The following STIM2 variants were observed in gnomAD, a reference collection of about 807,000 sequenced individuals.
STIM2 encodes stromal interaction molecule 2.
A neutral mutation model predicts 85.8 loss-of-function variants in STIM2; 31 were observed. The observed-to-expected ratio is 0.36, with a 90% CI of 0.27 to 0.49. STIM2 has a LOEUF of 0.49. STIM2 is among the 20% of genes least tolerant of loss of function. The probability of loss-of-function intolerance (pLI) is 0.98; values close to 1 mark genes in which losing one functional copy is unlikely to be tolerated. For synonymous variants in STIM2, 356 were observed against 331.1 expected, an observed-to-expected ratio of 1.08 and a Z score of -0.82; for missense variants, 841 against 927.6, an observed-to-expected ratio of 0.91 and a Z score of 1.21.
intron 2 of STIM2, among the ~76,000 whole-genome samples, chr4:26,940,577 A>G (rs574762320): frequency 6.6e-6 from 1 of 152,234 alleles, no homozygotes; most frequent in African/African-American, 2.4e-5. Flanking sequence ...TGTTTTACCT[A>G]CAACGGAGGC....
chr4:26,881,774 T>C (rs1444477895), intron 1 of STIM2, among the ~76,000 whole-genome samples: 1 of 152,222 alleles, frequency 6.6e-6, no homozygotes, highest in East Asian at 1.9e-4. Context: ...ATGGAAGATA[T>C]AAATTATTTC....
At chr4:27,012,196 A>C (rs1470853910) in intron 10 of STIM2, among the ~76,000 whole-genome samples, 5 of 152,054 alleles carry the variant, frequency 3.3e-5, no homozygotes, top group African/African-American at 1.2e-4. Context: ...TTTTATAAAA[A>C]GTTTTGATAT....
chr4:27,024,597 T>TA lies in STIM2; in HGVS notation c.*1606dup, dbSNP rs1487584753. ...TGATTGTTTATTCTATTACTATTGT[T>TA]AAAAACTTGAATGGTATTTATATTG... On this transcript the variant is annotated 3_prime_UTR_variant, in exon 12 of 12. Transcript: ENST00000467087. 1 of 152,222 alleles carries TA rather than the reference T, an allele frequency of 6.6e-6. No homozygotes were observed. Among genetic ancestry groups the TA allele is most frequent in the Non-Finnish European group, 1.5e-5 (1 of 68,036 alleles). The allele number at this position is 152,222 out of a possible 1,614,324, so 9.4% of individuals were successfully genotyped here. A position where few individuals can be genotyped will look rare whatever the true frequency, so the allele number is the denominator to read the frequency against.
chr4:26,947,717 G>A (rs1229579520), intron 2 of STIM2, among the ~76,000 whole-genome samples: 1 of 152,178 alleles, frequency 6.6e-6, no homozygotes, highest in African/African-American at 2.4e-5. Flanking sequence ...CTGAGTGTGT[G>A]GGGCTCTGCT....
intron 2 of STIM2, among the ~76,000 whole-genome samples, chr4:26,946,864 C>G (rs6835631): frequency 0.21 from 31,937 of 152,112 alleles, 3,464 homozygotes; most frequent in East Asian, 0.41. Flanking sequence ...TTGCTTACTA[C>G]TGGTCATTAA....
Position 27,008,820 on chromosome 4 carries a change from A to G in STIM2, c.1307A>G (p.Gln436Arg), listed in dbSNP as rs1018897804. The G allele has an allele frequency of 6.2e-7, 1 of 1,614,166 alleles. No individual in the cohort carries two copies. The highest frequency in any genetic ancestry group is 2.2e-5 in the East Asian group (1 of 44,878). The change falls in exon 10 of 12, where the codon CAA becomes CGA. Residue 436 changes from glutamine to arginine, a missense_variant. Gln to Arg is a conservative substitution (Grantham distance 43, BLOSUM62 1). Around this residue, in one of 3 missense-constraint regions of STIM2, gnomAD observed 408 missense variants for 525.4 expected, o/e 0.78. Coordinates refer to ENST00000467087, the MANE Select transcript of STIM2 (RefSeq NM_020860.4). ...CGAGAACGACTTTTTCGCTGGCAAC[A>G]AATTGAGAAGATCTGTGGCTTTCAG...
intron 7 of STIM2, among the ~76,000 whole-genome samples, chr4:27,004,652 A>G (rs1332124225): frequency 6.6e-6 from 1 of 152,196 alleles, no homozygotes; most frequent in African/African-American, 2.4e-5. Flanking sequence ...TGGACATTCT[A>G]ACTTGAAGCT....
chr4:26,904,527 C>T (rs933031687), intron 1 of STIM2, among the ~76,000 whole-genome samples: 9 of 152,102 alleles, frequency 5.9e-5, no homozygotes, highest in African/African-American at 9.6e-5. Flanking sequence ...CTTATAGGCA[C>T]GATAACATGA....
chr4:27,005,569 T>A (rs557833192), intron 7 of STIM2, among the ~76,000 whole-genome samples: 1 of 152,338 alleles, frequency 6.6e-6, no homozygotes, highest in East Asian at 1.9e-4. Flanking sequence ...GCAAAAGCTG[T>A]TTATTACTCA....
At chr4:26,949,755 A>G (rs1344964779) in intron 2 of STIM2, among the ~76,000 whole-genome samples, 1 of 151,886 alleles carries the variant, frequency 6.6e-6, no homozygotes, top group East Asian at 1.9e-4. Context: ...TAAATATTGT[A>G]TTTCCTCCTT....
chr4:26,952,392 T>C (rs1015822211), intron 2 of STIM2, among the ~76,000 whole-genome samples: 1 of 152,122 alleles, frequency 6.6e-6, no homozygotes, highest in Non-Finnish European at 1.5e-5. Context: ...CAAGAAATCA[T>C]ACAGAATATG....
chr4:27,019,601 CT>C, intron 11 of STIM2: 2 of 728,644 alleles, frequency 2.7e-6, no homozygotes, highest in Admixed American at 2.7e-5. Flanking sequence ...ATTTGGAAAA[CT>C]TTTCTTCCTC....
chr4:26,891,882 C>G (rs971241369), intron 1 of STIM2, among the ~76,000 whole-genome samples: 1 of 152,216 alleles, frequency 6.6e-6, no homozygotes, highest in Non-Finnish European at 1.5e-5. Flanking sequence ...CTCTGTGTCT[C>G]TACCCAAGTC....
chr4:26,906,922 G>A lies in STIM2; in HGVS notation c.152-12582G>A, dbSNP rs192765858. The stretch of plus-strand genomic sequence containing the variant: ...GTGGAGCTTGCAGTGAGCCGAGATT[G>A]CATCACTGCACTCCAGCCTGGGCGA... On this transcript the variant is annotated intron_variant, in intron 1 of 11. Coordinates refer to ENST00000467087, the MANE Select transcript of STIM2 (RefSeq NM_020860.4). Among the ~76,000 whole-genome samples the A allele has an allele frequency of 2.7e-4, 41 of 149,568 alleles. No individual in the cohort carries two copies. The Middle Eastern group carries it at 0.021, about 76-fold the overall frequency.
intron 2 of STIM2, among the ~76,000 whole-genome samples, chr4:26,933,710 G>A (rs1375021472): frequency 7.2e-6 from 1 of 139,474 alleles, no homozygotes; most frequent in South Asian, 2.3e-4. Context: ...GACTAGCCTG[G>A]GCAGTATAAC....
In STIM2 at chr4:27,007,585, G is replaced by C; in HGVS notation, c.1034G>C (p.Trp345Ser). Residue 345 changes from tryptophan to serine, a missense_variant, in exon 8 of 12, where the codon TGG becomes TCG. By Grantham distance (177) the Trp-to-Ser change is radical. This residue lies in a region of STIM2 where 408 missense variants were observed against 525.4 expected (regional missense o/e 0.78). Transcript: ENST00000467087. ...AAAGAATTTGAACTGAGAAGCAGTT[G>C]GTCTGTTCCAGATGCACTTCAGAAA... 1 of 1,595,460 alleles carries C rather than the reference G, an allele frequency of 6.3e-7. No individual in the cohort carries two copies. Among genetic ancestry groups the C allele is most frequent in the Non-Finnish European group, 8.5e-7 (1 of 1,171,570 alleles).
In STIM2 at chr4:26,867,768, G is replaced by A. The variant is rs1055171065; in HGVS notation, c.151+6399G>A. On this transcript the variant is annotated intron_variant, in intron 1 of 11. Transcript: ENST00000467087. The stretch of plus-strand genomic sequence containing the variant: ...TATATTAGTATACATTGGATATTCA[G>A]TCTTTCTTGACACTGTCTAATTCTA... 3.3e-5 allele frequency among the ~76,000 whole-genome samples: 5 copies of A among 152,194 alleles called. No homozygotes were observed. In the East Asian group the frequency reaches 5.8e-4, roughly 18 times the overall value.
intron 3 of STIM2, among the ~76,000 whole-genome samples, chr4:26,960,853 C>T (rs1288772281): frequency 1.3e-5 from 2 of 152,014 alleles, no homozygotes; most frequent in African/African-American, 4.8e-5. Flanking sequence ...CACCTGAGGT[C>T]AGGAGTTCAA....
At chr4:26,871,660 C>A (rs1266662237) in intron 1 of STIM2, among the ~76,000 whole-genome samples, 1 of 145,388 alleles carries the variant, frequency 6.9e-6, no homozygotes, top group Non-Finnish European at 1.5e-5. Context: ...AGCATAGCAT[C>A]TTATATCTTG....
Sources: allele counts gnomAD v4.1 joint callset (sites outside exome capture counted in the v4.1 genomes callset), GRCh38; gene constraint gnomAD v4.1.1; regional missense constraint gnomAD v4.1.1; transcripts MANE v1.5; gene names NCBI Gene and HGNC (gene_info 2026-07-23, HGNC 2026-07-21).